Variants in HS3ST3B1 observed in about 807,000 individuals in gnomAD.
The protein encoded by HS3ST3B1 is heparan sulfate glucosamine 3-O-sulfotransferase 3B1.
In HS3ST3B1, 13 loss-of-function variants were observed where a neutral mutation model predicts 21.3. That is an observed-to-expected ratio of 0.61 (90% CI 0.40 to 0.97). The LOEUF is 0.97. Among genes scored for constraint, HS3ST3B1 ranks in the 50% least tolerant of loss-of-function variants. The pLI, the probability that HS3ST3B1 is intolerant of heterozygous loss-of-function variation, is 0.00. For synonymous variants in HS3ST3B1, 234 were observed against 254.8 expected (o/e 0.92, Z 0.78); for missense variants, 459 against 554.8 (o/e 0.83, Z 1.73).
Position 14,301,498 on chromosome 17 carries a change from G to T in HS3ST3B1, c.-21G>T. 6.7e-7 allele frequency: 1 copy of T among 1,491,374 alleles called. No homozygotes were observed. Among genetic ancestry groups the T allele is most frequent in the East Asian group, 2.5e-5 (1 of 39,910 alleles). 92.4% of individuals were successfully genotyped at this position (1,491,374 alleles called of 1,614,324 possible). A position where few individuals can be genotyped will look rare whatever the true frequency, so the allele number is the denominator to read the frequency against. On this transcript the variant is annotated 5_prime_UTR_variant, in exon 1 of 2. Coordinates refer to ENST00000360954, the MANE Select transcript of HS3ST3B1 (RefSeq NM_006041.3). ...ACGCCATGTGCTGAGCCATGTCCCT[G>T]GCCGCGCCCGCGGGCAGCGCATGGG...
intron 1 of HS3ST3B1, among the ~76,000 whole-genome samples, chr17:14,332,157 C>G (rs1217158644): frequency 1.3e-5 from 2 of 151,898 alleles, no homozygotes. Flanking sequence ...TCTTTTTGAC[C>G]CCTGAGGTTC....
chr17:14,328,979 T>A (rs1245625279), intron 1 of HS3ST3B1: 2 of 152,194 alleles, frequency 1.3e-5, no homozygotes, highest in Admixed American at 1.3e-4. Flanking sequence ...CAAGCTTATG[T>A]CTTCAGATTT....
intron 1 of HS3ST3B1, among the ~76,000 whole-genome samples, chr17:14,312,901 C>CT (rs35154149): frequency 0.09 from 11,664 of 129,378 alleles, 652 homozygotes; most frequent in East Asian, 0.24. Flanking sequence ...GTGAAAATGT[C>CT]TTTTTTTTTT....
rs1567646675 is a variant in HS3ST3B1 at position 14,347,837 on chromosome 17, C to T, written c.*2191C>T. 1 of 152,134 alleles carries T rather than the reference C, an allele frequency of 6.6e-6. No individual in the cohort carries two copies. Among genetic ancestry groups the T allele is most frequent in the African/African-American group, 2.4e-5 (1 of 41,426 alleles). 9.4% of individuals were successfully genotyped at this position (152,134 alleles called of 1,614,324 possible). On this transcript the variant is annotated 3_prime_UTR_variant, in exon 2 of 2. Transcript: ENST00000360954. ...CATTTCGTAGCTTTTTTACTGTCTCCAGAAAGTAGTGTGGGACCTGCACTT... is the reference window on the plus strand; with the variant it reads ...CATTTCGTAGCTTTTTTACTGTCTCTAGAAAGTAGTGTGGGACCTGCACTT...
At chr17:14,306,697 T>C (rs1016960380) in intron 1 of HS3ST3B1, among the ~76,000 whole-genome samples, 1 of 152,220 alleles carries the variant, frequency 6.6e-6, no homozygotes, top group Non-Finnish European at 1.5e-5. Context: ...TAGCAAAGAA[T>C]GTTTCTGTCT....
At position 14,348,465 on chromosome 17, in the gene HS3ST3B1, T is replaced by C. The variant is rs1910637133; in HGVS notation, c.*2819T>C. On this transcript the variant is annotated 3_prime_UTR_variant, in exon 2 of 2. Coordinates refer to ENST00000360954, the MANE Select transcript of HS3ST3B1 (RefSeq NM_006041.3). ...CTGATGGTTTAAAGTTCCTAACAGATCTGGTTGCAGCATCTGCCGGAGCTT... is the reference window on the plus strand; with the variant it reads ...CTGATGGTTTAAAGTTCCTAACAGACCTGGTTGCAGCATCTGCCGGAGCTT... 6.6e-6 allele frequency: 1 copy of C among 152,204 alleles called. No individual in the cohort carries two copies. The highest frequency in any genetic ancestry group is 1.5e-5 in the Non-Finnish European group (1 of 68,046). The allele number at this position is 152,204 out of a possible 1,614,324, so 9.4% of individuals were successfully genotyped here.
At chr17:14,333,061 G>C (rs2097105514) in intron 1 of HS3ST3B1, among the ~76,000 whole-genome samples, 1 of 151,978 alleles carries the variant, frequency 6.6e-6, no homozygotes, top group African/African-American at 2.4e-5. Context: ...TGGTTAAGGA[G>C]TGAGACCCTG....
In HS3ST3B1 at chr17:14,301,981, G is replaced by T; in HGVS notation, c.463G>T (p.Glu155Ter). Residue 155 changes from glutamate to a stop codon, truncating the protein, a stop_gained, in exon 1 of 2, where the codon GAG becomes TAG. Coordinates refer to ENST00000360954, the MANE Select transcript of HS3ST3B1 (RefSeq NM_006041.3). LOFTEE classifies it high-confidence loss of function. The part of the protein sequence containing the change: ...VKKGGTRALL[E>*]FLRVHPDVRA... ...GAAGGGCGGCACGCGGGCGCTGCTG[G>T]AGTTTCTGCGCGTGCACCCCGACGT... is the stretch of plus-strand genomic sequence containing the variant. 1.2e-6 allele frequency: 2 copies of T among 1,609,470 alleles called. No homozygotes were observed. The highest frequency in any genetic ancestry group is 1.7e-6 in the Non-Finnish European group (2 of 1,178,798).
chr17:14,334,020 C>A (rs1910107528), intron 1 of HS3ST3B1, among the ~76,000 whole-genome samples: 1 of 152,322 alleles, frequency 6.6e-6, no homozygotes, highest in African/African-American at 2.4e-5. Flanking sequence ...CTCAGCCTCC[C>A]AAAGTGTTGG....
intron 1 of HS3ST3B1, among the ~76,000 whole-genome samples, chr17:14,329,912 C>T (rs892432111): frequency 3.3e-5 from 5 of 152,268 alleles, no homozygotes; most frequent in Non-Finnish European, 7.3e-5. Flanking sequence ...GGATTCATCC[C>T]ACCTTACCCT....
rs1910504615 is a variant in HS3ST3B1, at chr17:14,345,008, T to G, written c.555-20T>G. 1.9e-6 allele frequency: 3 copies of G among 1,604,822 alleles called. No individual in the cohort carries two copies. Among genetic ancestry groups the G allele is most frequent in the Non-Finnish European group, 2.6e-6 (3 of 1,173,844 alleles). On this transcript the variant is annotated intron_variant, in intron 1 of 1. Coordinates refer to ENST00000360954, the MANE Select transcript of HS3ST3B1 (RefSeq NM_006041.3). ...GAGGCGTCACCTTCTGATCCCGGTT[T>G]GTTTGCTTGCGTTTCTCAGGGACCT...
intron 1 of HS3ST3B1, among the ~76,000 whole-genome samples, chr17:14,342,539 A>G (rs1416618203): frequency 1.3e-5 from 2 of 151,458 alleles, no homozygotes; most frequent in African/African-American, 4.8e-5. Context: ...GAGCAACTTA[A>G]TAATGATAAT....
chr17:14,330,633 G>A (rs1282807608), intron 1 of HS3ST3B1, among the ~76,000 whole-genome samples: 1 of 151,560 alleles, frequency 6.6e-6, no homozygotes, highest in Non-Finnish European at 1.5e-5. Flanking sequence ...GTGTTGACTG[G>A]TGTTGCAGAG....
At chr17:14,334,596 T>C (rs1910134121) in intron 1 of HS3ST3B1, among the ~76,000 whole-genome samples, 1 of 152,160 alleles carries the variant, frequency 6.6e-6, no homozygotes. Flanking sequence ...ACCAAAGTGA[T>C]ACAATAGATG....
At chr17:14,326,154 T>C (rs915826175) in intron 1 of HS3ST3B1, among the ~76,000 whole-genome samples, 18 of 152,050 alleles carry the variant, frequency 1.2e-4, no homozygotes, top group African/African-American at 3.9e-4. Context: ...CCAGAAAGAA[T>C]AGTCCAGGAG....
At chr17:14,329,315 GAGAAAGAAAGAAAGAAAGAAAGAA>G (rs1555549452) in intron 1 of HS3ST3B1, 2 of 94,696 alleles carry the variant, frequency 2.1e-5, no homozygotes, top group African/African-American at 8.2e-5. Context: ...GAGAGAAAGA[GAGAAAGAAAGAAAGAAAGAAAGAA>G]AGAAAGAAAG....
At position 14,333,166 on chromosome 17, in the gene HS3ST3B1, C is replaced by A. The variant is rs561667300; in HGVS notation, c.555-11862C>A. On this transcript the variant is annotated intron_variant, in intron 1 of 1. Coordinates refer to ENST00000360954, the MANE Select transcript of HS3ST3B1 (RefSeq NM_006041.3). ...AAAACCAGAGCCATAGTAGTCAAAG[C>A]GGTATAAAAACAGATTTTAGGCCGG... Among the ~76,000 whole-genome samples the A allele has an allele frequency of 2.0e-5, 3 of 152,098 alleles. No homozygotes were observed. In the South Asian group the frequency reaches 6.2e-4, roughly 32 times the overall value.
intron 1 of HS3ST3B1, among the ~76,000 whole-genome samples, chr17:14,314,206 T>C (rs1909427859): frequency 6.8e-6 from 1 of 147,046 alleles, no homozygotes; most frequent in Non-Finnish European, 1.5e-5. Context: ...CTTGAACTCC[T>C]GACCTCAGGT....
chr17:14,302,183 G>T (rs2142319278), intron 1 of HS3ST3B1, 111 bp downstream of exon 1: 1 of 1,290,528 alleles, frequency 7.7e-7, no homozygotes, highest in South Asian at 1.5e-5. Context: ...GACCACCCGG[G>T]GTAGGGCAGG....
Sources: gnomAD v4.1 joint callset for allele counts (sites outside exome capture counted in the v4.1 genomes callset) on GRCh38, gnomAD v4.1.1 for gene constraint, MANE v1.5 for transcripts, NCBI Gene and HGNC (gene_info 2026-07-23, HGNC 2026-07-21) for gene names.